Variants in CDK14 observed in about 807,000 individuals in gnomAD.
CDK14 encodes cyclin dependent kinase 14.
In CDK14, 34 loss-of-function variants were observed where a neutral mutation model predicts 60.7. The observed-to-expected ratio is 0.56, with a 90% confidence interval of 0.43 to 0.75. The LOEUF (loss-of-function observed/expected upper bound fraction) is 0.75, where lower values mean the gene tolerates loss of function less well. Ranked by LOEUF, CDK14 falls within the 30% of genes least tolerant of loss-of-function variation. The pLI, the probability that CDK14 is intolerant of heterozygous loss-of-function variation, is 0.00. For synonymous variants in CDK14, 197 were observed against 203.7 expected, an observed-to-expected ratio of 0.97 and a Z score of 0.28; for missense variants, 482 against 564.1, an observed-to-expected ratio of 0.85 and a Z score of 1.47.
chr7:90,750,197 CACA>C (rs1404121024), intron 4 of CDK14, among the ~76,000 whole-genome samples: 13 of 73,636 alleles, frequency 1.8e-4, no homozygotes, highest in East Asian at 6.0e-4. Context: ...CACACACACA[CACA>C]CCAATAATAT....
At chr7:91,060,228 CTTT>C (rs373760085) in intron 11 of CDK14, among the ~76,000 whole-genome samples, 17 of 142,056 alleles carry the variant, frequency 1.2e-4, no homozygotes, top group African/African-American at 3.9e-4. Context: ...CAACCCCTGC[CTTT>C]TTTTTTTTTT....
At chr7:91,156,048 C>T (rs546823078) in intron 14 of CDK14, among the ~76,000 whole-genome samples, 24 of 152,224 alleles carry the variant, frequency 1.6e-4, no homozygotes, top group South Asian at 1.5e-3. Flanking sequence ...ATAATCAGTT[C>T]GCTGTTATTA....
chr7:91,080,066 A>G (rs1798440100), intron 12 of CDK14, among the ~76,000 whole-genome samples: 1 of 152,188 alleles, frequency 6.6e-6, no homozygotes, highest in Non-Finnish European at 1.5e-5. Flanking sequence ...TTGCAAGCCA[A>G]TGTGTTAGAA....
chr7:91,115,458 T>C (rs1300619019), intron 13 of CDK14, among the ~76,000 whole-genome samples: 1 of 151,936 alleles, frequency 6.6e-6, no homozygotes, highest in Non-Finnish European at 1.5e-5. Context: ...CTAATTACCC[T>C]CCTAAGGCCC....
At position 91,015,521 on chromosome 7, in the gene CDK14, G is replaced by GTTTTT. The variant is rs10710645; in HGVS notation, c.1042-30356_1042-30352dup. On this transcript the variant is annotated intron_variant, in intron 10 of 14. Coordinates refer to ENST00000380050, the MANE Select transcript of CDK14 (RefSeq NM_001287135.2). ...CCTACCCCAGCAGAGTATGTCTTGG[G>GTTTTT]TTTTTTTTTTTTTTTTTTTTTTTTG... 2.1e-3 allele frequency among the ~76,000 whole-genome samples: 162 copies of GTTTTT among 77,682 alleles called. 6 individuals carry two copies. The highest frequency in any genetic ancestry group is 2.7e-3 in the Non-Finnish European group (118 of 42,964). 51.0% of individuals were successfully genotyped at this position (77,682 alleles called of 152,430 possible). A position where few individuals can be genotyped will look rare whatever the true frequency, so the allele number is the denominator to read the frequency against.
chr7:91,087,134 T>TA (rs1480562842), intron 12 of CDK14, among the ~76,000 whole-genome samples: 2 of 152,192 alleles, frequency 1.3e-5, no homozygotes, highest in Admixed American at 1.3e-4. Context: ...TATCCACTGT[T>TA]ACCCATTCCA....
intron 14 of CDK14, among the ~76,000 whole-genome samples, chr7:91,131,999 T>C (rs183137603): frequency 0.045 from 5,415 of 121,544 alleles, 218 homozygotes; most frequent in Admixed American, 0.15. Context: ...GGAAGTTTTT[T>C]TGTTGGTTGG....
chr7:90,985,382 C>CT (rs1299734761), intron 10 of CDK14, among the ~76,000 whole-genome samples: 1 of 152,084 alleles, frequency 6.6e-6, no homozygotes, highest in Non-Finnish European at 1.5e-5. Flanking sequence ...GAATAATTGA[C>CT]TAATATAGTT....
At position 90,757,690 on chromosome 7, in the gene CDK14, G is replaced by A. The variant is rs182964540; in HGVS notation, c.464+9915G>A. Reference sequence around the variant, plus strand: ...GTCTTGGCTCACTGCAACCTCTGCCGCTGAGGCTTAACCGATTCTCATGCC... The same window carrying A: ...GTCTTGGCTCACTGCAACCTCTGCCACTGAGGCTTAACCGATTCTCATGCC... On this transcript the variant is annotated intron_variant, in intron 4 of 14. Transcript: ENST00000380050. Among the ~76,000 whole-genome samples, 34 of 151,488 alleles carry A rather than the reference G, an allele frequency of 2.2e-4. No homozygotes were observed. In the East Asian group the frequency reaches 6.0e-3, roughly 27 times the overall value.
At chr7:90,949,716 G>A (rs942321505) in intron 8 of CDK14, among the ~76,000 whole-genome samples, 3 of 152,096 alleles carry the variant, frequency 2.0e-5, no homozygotes, top group Non-Finnish European at 4.4e-5. Context: ...ACATTTTTAA[G>A]GGATTTTGGT....
chr7:90,661,588 C>A (rs554589579), intron 2 of CDK14, among the ~76,000 whole-genome samples: 1 of 152,118 alleles, frequency 6.6e-6, no homozygotes, highest in Non-Finnish European at 1.5e-5. Flanking sequence ...TGGCATTAAC[C>A]CAAATTCTCA....
intron 11 of CDK14, among the ~76,000 whole-genome samples, chr7:91,075,556 A>G (rs1798277614): frequency 6.6e-6 from 1 of 152,258 alleles, no homozygotes; most frequent in East Asian, 1.9e-4. Flanking sequence ...GAAAACCGTC[A>G]CAAGACAAGG....
intron 2 of CDK14, among the ~76,000 whole-genome samples, chr7:90,635,006 G>T (rs1388909112): frequency 4.4e-4 from 67 of 152,108 alleles, no homozygotes; most frequent in Non-Finnish European, 7.6e-4. Context: ...TAAATGTGTT[G>T]GAGTTCATTG....
In CDK14 at chr7:91,117,738, T is replaced by G. The variant is rs567031129; in HGVS notation, c.1295-327T>G. Among the ~76,000 whole-genome samples, 10 of 152,264 alleles carry G rather than the reference T, an allele frequency of 6.6e-5. No individual in the cohort carries two copies. In the South Asian group the frequency reaches 2.1e-3, roughly 32 times the overall value. ...TGAAATTCCCAGAACAGTGTGAGGCTCAATAAATATTTTTCCAATGAATGA... is the reference window on the plus strand; with the variant it reads ...TGAAATTCCCAGAACAGTGTGAGGCGCAATAAATATTTTTCCAATGAATGA... On this transcript the variant is annotated intron_variant, in intron 13 of 14. Coordinates refer to ENST00000380050, the MANE Select transcript of CDK14 (RefSeq NM_001287135.2).
At chr7:90,754,756 A>C (rs901967929) in intron 4 of CDK14, among the ~76,000 whole-genome samples, 1 of 152,196 alleles carries the variant, frequency 6.6e-6, no homozygotes, top group African/African-American at 2.4e-5. Flanking sequence ...AGGAACTTAC[A>C]CAATTTAACG....
intron 5 of CDK14, among the ~76,000 whole-genome samples, chr7:90,841,659 T>TACACACACACAC (rs57434660): frequency 0.26 from 36,832 of 139,052 alleles, 5,119 homozygotes; most frequent in Non-Finnish European, 0.27. Context: ...TATATATATG[T>TACACACACACAC]ACACACACAC....
intron 12 of CDK14, among the ~76,000 whole-genome samples, chr7:91,086,714 T>C (rs1798653131): frequency 6.6e-6 from 1 of 152,058 alleles, no homozygotes; most frequent in Non-Finnish European, 1.5e-5. Flanking sequence ...TTTTAGGACA[T>C]TGAAAACTAC....
At chr7:90,908,689 G>A (rs1055027657) in intron 7 of CDK14, among the ~76,000 whole-genome samples, 3 of 152,096 alleles carry the variant, frequency 2.0e-5, no homozygotes, top group Admixed American at 2.0e-4. Context: ...TCTTGGATAG[G>A]CACAGCATTC....
intron 11 of CDK14, among the ~76,000 whole-genome samples, chr7:91,079,140 A>G (rs1323637009): frequency 6.6e-6 from 1 of 152,206 alleles, no homozygotes; most frequent in African/African-American, 2.4e-5. Context: ...TGGAATTTGC[A>G]TTTCTTTTTT....
Sources: allele counts gnomAD v4.1 joint callset (sites outside exome capture counted in the v4.1 genomes callset), GRCh38; gene constraint gnomAD v4.1.1; transcripts MANE v1.5; gene names NCBI Gene and HGNC (gene_info 2026-07-23, HGNC 2026-07-21).